LAMC1: variants seen among roughly 807,000 people sequenced by gnomAD.
LAMC1 encodes the protein laminin subunit gamma-1.
Under a neutral mutation model 173.6 loss-of-function variants are expected in LAMC1, and 38 were observed. That is an observed-to-expected ratio of 0.22 (90% confidence interval 0.17 to 0.29). The LOEUF (loss-of-function observed/expected upper bound fraction) is 0.29. LAMC1 is among the 10% of genes least tolerant of loss of function. The pLI is 1.00. For missense variants in LAMC1, 1,824 were observed against 2,051.8 expected, an observed-to-expected ratio of 0.89 and a Z score of 2.14; for synonymous variants, 746 against 749.1, an observed-to-expected ratio of 1.00 and a Z score of 0.07.
intron 1 of LAMC1, among the ~76,000 whole-genome samples, chr1:183,032,277 G>A (rs762861601): frequency 6.6e-6 from 1 of 152,172 alleles, no homozygotes; most frequent in Non-Finnish European, 1.5e-5. Context: ...TCTTGTGGGA[G>A]AAGAATCTTA....
chr1:183,109,693 G>C (rs1026075086), intron 3 of LAMC1, among the ~76,000 whole-genome samples: 8 of 152,188 alleles, frequency 5.3e-5, no homozygotes, highest in African/African-American at 1.7e-4. Context: ...GTATTTTAGT[G>C]TATCAGTGAA....
At chr1:183,050,949 CT>C (rs1450973971) in intron 1 of LAMC1, among the ~76,000 whole-genome samples, 2 of 151,102 alleles carry the variant, frequency 1.3e-5, no homozygotes, top group East Asian at 3.9e-4. Flanking sequence ...TTTTTAAGGC[CT>C]TTAGATGTTA....
intron 1 of LAMC1, among the ~76,000 whole-genome samples, chr1:183,100,344 A>T (rs1325423019): frequency 2.6e-5 from 4 of 152,234 alleles, no homozygotes; most frequent in African/African-American, 9.6e-5. Context: ...TTCTGGTTTA[A>T]TGCCTTCAGT....
chr1:183,141,765 A>G (rs1466425955), intron 27 of LAMC1, among the ~76,000 whole-genome samples: 2 of 152,226 alleles, frequency 1.3e-5, no homozygotes, highest in South Asian at 2.1e-4. Context: ...GACTTTTAAC[A>G]TTAGTCTGAC....
chr1:183,046,054 C>G (rs923583239), intron 1 of LAMC1, among the ~76,000 whole-genome samples: 3 of 151,960 alleles, frequency 2.0e-5, no homozygotes, highest in African/African-American at 7.2e-5. Flanking sequence ...TATAATTTGT[C>G]TTTTACATTT....
rs774109280 is a variant in LAMC1, at chr1:183,023,852, C to T, written c.136C>T (p.Arg46Trp). 1.2e-6 allele frequency: 2 copies of T among 1,607,894 alleles called. No individual in the cohort carries two copies. Among genetic ancestry groups the T allele is most frequent in the Non-Finnish European group, 1.7e-6 (2 of 1,177,012 alleles). ...AMDECTDEGG[R>W]PQRCMPEFVN... ...GGACGAGTGCACGGACGAGGGCGGG[C>T]GGCCGCAGCGCTGCATGCCCGAGTT... The change falls in exon 1 of 28, where the codon CGG becomes TGG. Residue 46 changes from arginine (R) to tryptophan (W), a missense_variant. Transcript: ENST00000258341.
intron 26 of LAMC1, among the ~76,000 whole-genome samples, chr1:183,139,263 A>G (rs1657036719): frequency 6.6e-6 from 1 of 152,194 alleles, no homozygotes; most frequent in African/African-American, 2.4e-5. Flanking sequence ...GAAACAAACC[A>G]CCCTCACATG....
At chr1:183,042,055 A>G (rs150451352) in intron 1 of LAMC1, among the ~76,000 whole-genome samples, 2 of 152,342 alleles carry the variant, frequency 1.3e-5, no homozygotes, top group African/African-American at 4.8e-5. Context: ...CACTGTATCA[A>G]AGAGCCCCAG....
At position 183,140,245 on chromosome 1, in the gene LAMC1, C is replaced by CAAAAGAAAAAA. The variant is rs1657070408; in HGVS notation, c.4474-155_4474-154insGAAAAAAAAAA. On this transcript the variant is annotated intron_variant, in intron 26 of 27. Transcript: ENST00000258341. Reference sequence around the variant, plus strand: ...ATATGAAGATATGCAGCAGCCCCACCAAAAAAAAAAAAAAAAAAAAGCAAT... The same window carrying CAAAAGAAAAAA: ...ATATGAAGATATGCAGCAGCCCCACCAAAAGAAAAAAAAAAAAAAAAAAAAAAAAAAGCAAT... Among the ~76,000 whole-genome samples the CAAAAGAAAAAA allele has an allele frequency of 3.8e-5, 2 of 52,938 alleles. 1 individual carries two copies. The highest frequency in any genetic ancestry group is 5.8e-4 in the Admixed American group (2 of 3,442). 34.7% of individuals were successfully genotyped at this position (52,938 alleles called of 152,430 possible).
intron 26 of LAMC1, 147 bp from the exon 27 acceptor site, chr1:183,140,257 A>AAAAAAAAAAAAAAAAAAAAC (rs1657072727): frequency 2.3e-6 from 1 of 438,660 alleles, no homozygotes; most frequent in Non-Finnish European, 4.0e-6. Context: ...AAAAAAAAAA[A>AAAAAAAAAAAAAAAAAAAAC]AAAAAAAAGC....
At chr1:183,081,753 T>G (rs1161586165) in intron 1 of LAMC1, among the ~76,000 whole-genome samples, 1 of 152,128 alleles carries the variant, frequency 6.6e-6, no homozygotes, top group Non-Finnish European at 1.5e-5. Context: ...AATAAAACAT[T>G]AACATGTCAT....
intron 1 of LAMC1, among the ~76,000 whole-genome samples, chr1:183,094,629 TAATGGG>T (rs1655648131): frequency 6.6e-6 from 1 of 152,234 alleles, no homozygotes; most frequent in Non-Finnish European, 1.5e-5. Flanking sequence ...AACCTTGACC[TAATGGG>T]TGGCTGTGGT....
At chr1:183,116,176 T>G (rs995714956) in intron 6 of LAMC1, among the ~76,000 whole-genome samples, 1 of 151,114 alleles carries the variant, frequency 6.6e-6, no homozygotes, top group Non-Finnish European at 1.5e-5. Flanking sequence ...CTATGTGTAT[T>G]TCTTTTAAAA....
At chr1:183,116,524 GA>G (rs1656326899) in intron 6 of LAMC1, 52 bp from the exon 7 acceptor site, 3 of 1,218,486 alleles carry the variant, frequency 2.5e-6, no homozygotes. Flanking sequence ...CTGACTTGAA[GA>G]GTGGAAGTTT....
intron 1 of LAMC1, among the ~76,000 whole-genome samples, chr1:183,071,992 G>A (rs1436164028): frequency 6.6e-6 from 1 of 152,222 alleles, no homozygotes; most frequent in South Asian, 2.1e-4. Flanking sequence ...ACCATGAGCA[G>A]TAAAAATTGT....
chr1:183,105,964 G>A (rs995864293), intron 2 of LAMC1, among the ~76,000 whole-genome samples: 89 of 152,292 alleles, frequency 5.8e-4, no homozygotes, highest in Middle Eastern at 3.4e-3. Context: ...ACTTACTATA[G>A]CATACTATAA....
At chr1:183,107,753 C>G (rs1656022293) in intron 2 of LAMC1, among the ~76,000 whole-genome samples, 1 of 152,046 alleles carries the variant, frequency 6.6e-6, no homozygotes, top group Non-Finnish European at 1.5e-5. Context: ...TGGCGTGAAC[C>G]CAAGAGGTGG....
intron 1 of LAMC1, among the ~76,000 whole-genome samples, chr1:183,048,838 C>T (rs1260400791): frequency 6.6e-6 from 1 of 152,128 alleles, no homozygotes; most frequent in East Asian, 1.9e-4. Flanking sequence ...CCCCTATATT[C>T]TCTCTCCCTT....
At chr1:183,121,686 G>T in intron 11 of LAMC1, 37 bp from the exon 12 acceptor site, 1 of 1,559,838 alleles carries the variant, frequency 6.4e-7, no homozygotes, top group Non-Finnish European at 8.7e-7. Flanking sequence ...TGGAAAACAA[G>T]CCAGTTCAGT....
Sources: gnomAD v4.1 joint callset for allele counts (sites outside exome capture counted in the v4.1 genomes callset) on GRCh38, gnomAD v4.1.1 for gene constraint, MANE v1.5 for transcripts, NCBI Gene and HGNC (gene_info 2026-07-23, HGNC 2026-07-21) for gene names.